Variants in CLEC16A observed in about 807,000 individuals in gnomAD.
CLEC16A encodes the protein protein CLEC16A.
In CLEC16A, 51 loss-of-function variants were observed where a neutral mutation model predicts 109.5. The observed-to-expected ratio is 0.47, with a 90% CI of 0.37 to 0.59. The LOEUF (loss-of-function observed/expected upper bound fraction) is 0.59. Ranked by LOEUF, CLEC16A falls within the 20% of genes least tolerant of loss-of-function variation. CLEC16A has a pLI of 0.00. For missense variants in CLEC16A, 1,339 were observed against 1,394.0 expected, an observed-to-expected ratio of 0.96 and a Z score of 0.63; for synonymous variants, 673 against 564.2, an observed-to-expected ratio of 1.19 and a Z score of -2.73.
chr16:11,046,718 T>C (rs1597190045), intron 16 of CLEC16A, among the ~76,000 whole-genome samples: 1 of 152,322 alleles, frequency 6.6e-6, no homozygotes, highest in East Asian at 1.9e-4. Context: ...GATTTGGTTA[T>C]GTGTATCAGA....
rs1423425156 is a variant in CLEC16A, at chr16:11,044,079, G to A, written c.1815+7G>A. 12 of 1,605,816 alleles carry A rather than the reference G, an allele frequency of 7.5e-6. No individual in the cohort carries two copies. Among genetic ancestry groups the A allele is most frequent in the Admixed American group, 1.7e-5 (1 of 59,026 alleles). On this transcript the variant is annotated splice_region_variant and intron_variant, in intron 16 of 23. Transcript: ENST00000409790. ...TGTACGACATTTTTATAAGGTAATTGGCAGAGCACAGATGGACAGCAGCAT... is the reference window on the plus strand; with the variant it reads ...TGTACGACATTTTTATAAGGTAATTAGCAGAGCACAGATGGACAGCAGCAT...
At chr16:11,028,968 A>G (rs2046584329) in intron 13 of CLEC16A, among the ~76,000 whole-genome samples, 1 of 151,844 alleles carries the variant, frequency 6.6e-6, no homozygotes, top group African/African-American at 2.4e-5. Context: ...TCTCTTATTG[A>G]TTTTTCTCCT....
chr16:10,966,749 G>C (rs553069168), intron 3 of CLEC16A, among the ~76,000 whole-genome samples: 11 of 152,232 alleles, frequency 7.2e-5, no homozygotes, highest in East Asian at 3.9e-4. Flanking sequence ...ATCACATCTC[G>C]TGAGAACTCA....
In CLEC16A at chr16:11,005,835, C is replaced by T. The variant is rs2044969864; in HGVS notation, c.1303+2530C>T. Among the ~76,000 whole-genome samples, 6 of 150,488 alleles carry T rather than the reference C, an allele frequency of 4.0e-5. No homozygotes were observed. In the South Asian group the frequency reaches 8.5e-4, roughly 21 times the overall value. The stretch of plus-strand genomic sequence containing the variant: ...GATGCTGGGCAGTGCCTAGAAGATG[C>T]GAGATCTGACTCGCAGTCATGTCTC... On this transcript the variant is annotated intron_variant, in intron 11 of 23. Transcript: ENST00000409790.
At chr16:11,087,079 C>T (rs914979728) in intron 19 of CLEC16A, among the ~76,000 whole-genome samples, 10 of 152,214 alleles carry the variant, frequency 6.6e-5, no homozygotes, top group African/African-American at 2.4e-4. Context: ...AAACCTAAAC[C>T]CGTGAAATCA....
At chr16:11,091,440 G>A (rs540781528) in intron 19 of CLEC16A, among the ~76,000 whole-genome samples, 2 of 152,314 alleles carry the variant, frequency 1.3e-5, no homozygotes, top group Non-Finnish European at 2.9e-5. Flanking sequence ...GATTCACCTC[G>A]TAGGGCGGGT....
chr16:11,059,431 T>C (rs1275340813), intron 18 of CLEC16A, among the ~76,000 whole-genome samples: 1 of 152,168 alleles, frequency 6.6e-6, no homozygotes. Flanking sequence ...GGATTGCTCT[T>C]CCAGTTCCAA....
chr16:10,970,775 C>G (rs1363244348), intron 4 of CLEC16A, among the ~76,000 whole-genome samples: 1 of 152,210 alleles, frequency 6.6e-6, no homozygotes, highest in Non-Finnish European at 1.5e-5. Context: ...GAGACAGGGT[C>G]TTGCTCTGTT....
chr16:11,069,680 G>A lies in CLEC16A; in HGVS notation c.2116+8658G>A, dbSNP rs576470438. ...TGGTCTCAAGTTCCTGAGCTTAAGCGATCCTCCCGCCTCAGCTTCCCAAAG... is the reference window on the plus strand; with the variant it reads ...TGGTCTCAAGTTCCTGAGCTTAAGCAATCCTCCCGCCTCAGCTTCCCAAAG... On this transcript the variant is annotated intron_variant, in intron 19 of 23. Transcript: ENST00000409790. Among the ~76,000 whole-genome samples, 7 of 151,646 alleles carry A rather than the reference G, an allele frequency of 4.6e-5. No individual in the cohort carries two copies. The East Asian group carries it at 5.9e-4, about 13-fold the overall frequency.
chr16:11,102,495 G>A (rs529848112), intron 19 of CLEC16A, among the ~76,000 whole-genome samples: 10 of 152,242 alleles, frequency 6.6e-5, no homozygotes, highest in Non-Finnish European at 7.3e-5. Flanking sequence ...GTGCCGGTAA[G>A]CATTCACTCT....
intron 3 of CLEC16A, among the ~76,000 whole-genome samples, chr16:10,963,328 G>T (rs2042345204): frequency 6.6e-6 from 1 of 152,176 alleles, no homozygotes; most frequent in African/African-American, 2.4e-5. Context: ...AGCCACAATG[G>T]GGGTTAGAGC....
At chr16:11,130,697 C>T (rs1286466473) in intron 22 of CLEC16A, among the ~76,000 whole-genome samples, 2 of 152,244 alleles carry the variant, frequency 1.3e-5, no homozygotes, top group African/African-American at 4.8e-5. Flanking sequence ...ACTTCCCACC[C>T]TCCACAATGG....
At chr16:10,974,399 G>A (rs182902840) in intron 7 of CLEC16A, among the ~76,000 whole-genome samples, 1 of 152,302 alleles carries the variant, frequency 6.6e-6, no homozygotes, top group East Asian at 1.9e-4. Flanking sequence ...GGGATGATTA[G>A]AAGTTCCAGA....
chr16:11,085,196 C>G (rs2049944944), intron 19 of CLEC16A, among the ~76,000 whole-genome samples: 1 of 152,254 alleles, frequency 6.6e-6, no homozygotes, highest in South Asian at 2.1e-4. Context: ...AAGCCCCCAC[C>G]CTGGGTTCCA....
chr16:11,019,531 G>C (rs1179722019), intron 11 of CLEC16A, among the ~76,000 whole-genome samples: 1 of 152,234 alleles, frequency 6.6e-6, no homozygotes, highest in Non-Finnish European at 1.5e-5. Context: ...CACTTTGGGA[G>C]GCCGAGGTGG....
At chr16:11,063,155 T>C (rs1467774693) in intron 19 of CLEC16A, among the ~76,000 whole-genome samples, 1 of 152,164 alleles carries the variant, frequency 6.6e-6, no homozygotes, top group Non-Finnish European at 1.5e-5. Context: ...CCCAGCCTGA[T>C]TGCAAATTAT....
chr16:11,157,427 C>T (rs1387268576), intron 22 of CLEC16A, among the ~76,000 whole-genome samples: 1 of 152,224 alleles, frequency 6.6e-6, no homozygotes, highest in Non-Finnish European at 1.5e-5. Flanking sequence ...GCAAGTCCTT[C>T]ATTGCCCCGA....
intron 19 of CLEC16A, among the ~76,000 whole-genome samples, chr16:11,113,189 A>G (rs531893863): frequency 2.6e-5 from 4 of 152,326 alleles, no homozygotes; most frequent in East Asian, 1.9e-4. Context: ...GTGATTGTCT[A>G]TCATCTGCAT....
chr16:11,093,111 C>T (rs1459871563), intron 19 of CLEC16A, among the ~76,000 whole-genome samples: 1 of 152,248 alleles, frequency 6.6e-6, no homozygotes, highest in Non-Finnish European at 1.5e-5. Context: ...CTGGCTCCTA[C>T]AGCCTTTGCA....
Sources: allele counts gnomAD v4.1 joint callset (sites outside exome capture counted in the v4.1 genomes callset), GRCh38; gene constraint gnomAD v4.1.1; transcripts MANE v1.5; gene names NCBI Gene and HGNC (gene_info 2026-07-23, HGNC 2026-07-21).